NCOA1: variants seen among roughly 807,000 people sequenced by gnomAD.
The protein encoded by NCOA1 is Hin-2 protein.
A neutral mutation model predicts 150.9 loss-of-function variants in NCOA1; 35 were observed. The observed-to-expected ratio is 0.23, with a 90% CI of 0.18 to 0.31. The LOEUF is 0.31. Ranked by LOEUF, NCOA1 falls within the 10% of genes least tolerant of loss-of-function variation. The pLI, the probability that NCOA1 is intolerant of heterozygous loss-of-function variation, is 1.00. For synonymous variants in NCOA1, 590 were observed against 630.0 expected (o/e 0.94, Z 0.95); for missense variants, 1,491 against 1,749.3 (o/e 0.85, Z 2.63).
At chr2:24,539,136 C>A (rs1449440552) in intron 1 of NCOA1, among the ~76,000 whole-genome samples, 2 of 144,794 alleles carry the variant, frequency 1.4e-5, no homozygotes, top group Non-Finnish European at 3.1e-5. Context: ...AGTTTTTTCC[C>A]CCCCATTTAA....
chr2:24,710,098 T>C (rs535431832), intron 13 of NCOA1, among the ~76,000 whole-genome samples: 4 of 151,868 alleles, frequency 2.6e-5, no homozygotes, highest in Non-Finnish European at 4.4e-5. Flanking sequence ...TATTTATTTA[T>C]TTATTTATTT....
chr2:24,600,445 G>A (rs1040890596), intron 3 of NCOA1, among the ~76,000 whole-genome samples: 5 of 152,216 alleles, frequency 3.3e-5, no homozygotes, highest in African/African-American at 1.2e-4. Context: ...GAGCTCAAGT[G>A]ATCCGCACGC....
intron 3 of NCOA1, among the ~76,000 whole-genome samples, chr2:24,594,606 G>A (rs149525852): frequency 9.9e-4 from 151 of 152,046 alleles, no homozygotes; most frequent in African/African-American, 3.4e-3. Context: ...TTGTGCAGAT[G>A]GTTTATAAAA....
At chr2:24,629,813 C>CATATATAT (rs1356211925) in intron 3 of NCOA1, among the ~76,000 whole-genome samples, 1,216 of 77,066 alleles carry the variant, frequency 0.016, 16 homozygotes, top group Admixed American at 0.026. Context: ...AAGTAACATA[C>CATATATAT]ATACATATAT....
At chr2:24,629,813 C>CATATATATATATATATATATATATAT (rs1356211925) in intron 3 of NCOA1, among the ~76,000 whole-genome samples, 3 of 77,334 alleles carry the variant, frequency 3.9e-5, no homozygotes, top group African/African-American at 1.5e-4. Flanking sequence ...AAGTAACATA[C>CATATATATATATATATATATATATAT]ATACATATAT....
chr2:24,633,086 G>A (rs1470361360), intron 3 of NCOA1, among the ~76,000 whole-genome samples: 1 of 151,802 alleles, frequency 6.6e-6, no homozygotes, highest in Admixed American at 6.6e-5. Context: ...ATGTATGCAT[G>A]TACATACATA....
chr2:24,681,677 G>A (rs1672181689), intron 7 of NCOA1, among the ~76,000 whole-genome samples: 2 of 149,934 alleles, frequency 1.3e-5, no homozygotes, highest in Non-Finnish European at 1.5e-5. Flanking sequence ...TTTTTGGAGA[G>A]TATCTGCTAG....
intron 19 of NCOA1, among the ~76,000 whole-genome samples, chr2:24,745,173 T>C (rs1478840932): frequency 6.7e-6 from 1 of 150,004 alleles, no homozygotes; most frequent in Non-Finnish European, 1.5e-5. Flanking sequence ...TTTTTTTTTT[T>C]TTCTTTGAGA....
chr2:24,520,845 A>G (rs1037265229), intron 1 of NCOA1, among the ~76,000 whole-genome samples: 1 of 152,192 alleles, frequency 6.6e-6, no homozygotes, highest in Non-Finnish European at 1.5e-5. Context: ...GTAGTGTCCT[A>G]CAAAGCTCTA....
At chr2:24,681,555 A>G (rs1360301919) in intron 7 of NCOA1, among the ~76,000 whole-genome samples, 1 of 152,198 alleles carries the variant, frequency 6.6e-6, no homozygotes, top group East Asian at 1.9e-4. Flanking sequence ...ACTTCCAAAC[A>G]TCCATTTTCA....
intron 21 of NCOA1, among the ~76,000 whole-genome samples, chr2:24,758,752 G>A (rs988708860): frequency 6.6e-6 from 1 of 151,856 alleles, no homozygotes; most frequent in South Asian, 2.1e-4. Flanking sequence ...GGAGGCCAAG[G>A]CAGATGGATC....
chr2:24,547,164 C>T (rs148076248), intron 1 of NCOA1, among the ~76,000 whole-genome samples: 11 of 152,288 alleles, frequency 7.2e-5, no homozygotes, highest in Non-Finnish European at 1.3e-4. Context: ...AATTTATTTA[C>T]ATGATTTTAT....
chr2:24,581,269 C>T (rs1667182726), intron 2 of NCOA1, among the ~76,000 whole-genome samples: 3 of 152,200 alleles, frequency 2.0e-5, no homozygotes, highest in Admixed American at 1.3e-4. Context: ...CCAAGCTCTC[C>T]ATGTGGTCTT....
chr2:24,766,316 C>T (rs1665062254), intron 22 of NCOA1, among the ~76,000 whole-genome samples: 1 of 152,100 alleles, frequency 6.6e-6, no homozygotes, highest in Admixed American at 6.5e-5. Context: ...TATGCTCTGC[C>T]CCAATATTTC....
In NCOA1 at chr2:24,707,471, C is replaced by G. The variant is rs760853545; in HGVS notation, c.2001C>G (p.Ala667=). The G allele has an allele frequency of 3.1e-6, 5 of 1,614,244 alleles. No homozygotes were observed. The highest frequency in any genetic ancestry group is 3.4e-6 in the Non-Finnish European group (4 of 1,180,046). ...VLSCTGTSNS[A]SANSSGGSCP... ...CTTGCACAGGCACTTCCAACTCTGC[C>G]TCTGCTAACTCTTCAGGAGGTTCTT... The change falls in exon 13 of 23, where the codon GCC becomes GCG. Residue 667 remains alanine, a synonymous_variant. Coordinates refer to ENST00000348332, the MANE Select transcript of NCOA1 (RefSeq NM_003743.5).
intron 20 of NCOA1, among the ~76,000 whole-genome samples, chr2:24,754,392 G>A (rs1037947873): frequency 1.1e-4 from 16 of 152,172 alleles, no homozygotes; most frequent in Admixed American, 7.9e-4. Context: ...TATTCTCACC[G>A]CTCACTCTGC....
chr2:24,603,906 G>C (rs1410835406), intron 3 of NCOA1, among the ~76,000 whole-genome samples: 2 of 152,004 alleles, frequency 1.3e-5, no homozygotes, highest in African/African-American at 2.4e-5. Flanking sequence ...ATCCATCAGA[G>C]GAATTACTAT....
chr2:24,687,603 G>A (rs1009445771), intron 8 of NCOA1, among the ~76,000 whole-genome samples: 12 of 152,070 alleles, frequency 7.9e-5, no homozygotes, highest in Non-Finnish European at 1.8e-4. Context: ...GAGAGAAGAG[G>A]AAGCAATTGC....
At chr2:24,646,635 TC>T (rs1286497878) in intron 4 of NCOA1, among the ~76,000 whole-genome samples, 1 of 151,938 alleles carries the variant, frequency 6.6e-6, no homozygotes, top group Non-Finnish European at 1.5e-5. Context: ...ATTGTCTGTT[TC>T]CACCTATTTC....
Sources: allele counts gnomAD v4.1 joint callset (sites outside exome capture counted in the v4.1 genomes callset), GRCh38; gene constraint gnomAD v4.1.1; transcripts MANE v1.5; gene names NCBI Gene and HGNC (gene_info 2026-07-23, HGNC 2026-07-21).